KCNQ3: variants seen among roughly 807,000 people sequenced by gnomAD.
KCNQ3 encodes the protein potassium voltage-gated channel subfamily KQT member 3.
In KCNQ3, 30 loss-of-function variants were observed where a neutral mutation model predicts 92.5. The ratio of observed to expected loss-of-function variants is 0.32; its 90% confidence interval spans 0.24 to 0.44. The LOEUF is 0.44. Ranked by LOEUF, KCNQ3 falls within the 20% of genes least tolerant of loss-of-function variation. The pLI is 1.00. For missense variants in KCNQ3, 913 were observed against 1,140.3 expected, an observed-to-expected ratio of 0.80 and a Z score of 2.87; for synonymous variants, 450 against 468.8, an observed-to-expected ratio of 0.96 and a Z score of 0.52.
chr8:132,147,592 A>G (rs1825492346), intron 9 of KCNQ3, among the ~76,000 whole-genome samples: 1 of 152,172 alleles, frequency 6.6e-6, no homozygotes, highest in African/African-American at 2.4e-5. Context: ...TGAATGGATG[A>G]TAGAGAGATG....
At chr8:132,435,891 T>A (rs540789349) in intron 1 of KCNQ3, among the ~76,000 whole-genome samples, 1 of 152,138 alleles carries the variant, frequency 6.6e-6, no homozygotes, top group Admixed American at 6.5e-5. Context: ...CTTGTCCTCA[T>A]CATTTGGCAT....
At chr8:132,136,379 T>C (rs1825093939) in intron 12 of KCNQ3, among the ~76,000 whole-genome samples, 1 of 152,144 alleles carries the variant, frequency 6.6e-6, no homozygotes, top group Admixed American at 6.5e-5. Flanking sequence ...TCCATGGCTA[T>C]TGACATCATA....
intron 1 of KCNQ3, among the ~76,000 whole-genome samples, chr8:132,378,409 C>T (rs1370252554): frequency 6.6e-6 from 1 of 151,892 alleles, no homozygotes; most frequent in African/African-American, 2.4e-5. Flanking sequence ...AAAAGAAAGA[C>T]AATACTAAAA....
At position 132,480,099 on chromosome 8, in the gene KCNQ3, C is replaced by T. The variant is rs773118890; in HGVS notation, c.386+48G>A. 5.2e-5 allele frequency: 82 copies of T among 1,575,448 alleles called. No individual in the cohort carries two copies. The African/African-American group carries it at 1.0e-3, about 20-fold the overall frequency. On this transcript the variant is annotated intron_variant, in intron 1 of 14. Coordinates refer to ENST00000388996, the MANE Select transcript of KCNQ3 (RefSeq NM_004519.4). Reference sequence around the variant, plus strand: ...CTCAGCTCCAGCCCCGACCCCAAGTCCCCAAGCGCGCCGCCGCCGAGGGCG... The same window carrying T: ...CTCAGCTCCAGCCCCGACCCCAAGTTCCCAAGCGCGCCGCCGCCGAGGGCG...
chr8:132,162,003 C>T (rs537051478), intron 9 of KCNQ3, among the ~76,000 whole-genome samples: 2 of 152,336 alleles, frequency 1.3e-5, no homozygotes, highest in South Asian at 2.1e-4. Flanking sequence ...AATGACTTTG[C>T]TCTTCTTCTC....
At chr8:132,183,263 T>C (rs1397584179) in intron 3 of KCNQ3, among the ~76,000 whole-genome samples, 1 of 152,152 alleles carries the variant, frequency 6.6e-6, no homozygotes, top group East Asian at 1.9e-4. Flanking sequence ...AAAAGAAGAC[T>C]CTTCTGGAGT....
intron 1 of KCNQ3, among the ~76,000 whole-genome samples, chr8:132,218,393 G>C (rs948728455): frequency 6.6e-5 from 10 of 152,178 alleles, no homozygotes; most frequent in Admixed American, 2.0e-4. Flanking sequence ...CATTTTGGTT[G>C]AATGAATAAA....
chr8:132,471,328 T>G (rs1822295114), intron 1 of KCNQ3, among the ~76,000 whole-genome samples: 1 of 152,142 alleles, frequency 6.6e-6, no homozygotes, highest in Admixed American at 6.6e-5. Flanking sequence ...TTTAAGAGCC[T>G]GGGCAGATCT....
chr8:132,139,975 C>A, intron 11 of KCNQ3, 101 bp downstream of exon 11: 2 of 805,598 alleles, frequency 2.5e-6, no homozygotes, highest in South Asian at 1.7e-5. Context: ...CTTCTCTTCC[C>A]CCTTCCCAAA....
intron 1 of KCNQ3, among the ~76,000 whole-genome samples, chr8:132,406,438 G>A (rs1235468781): frequency 1.3e-5 from 2 of 152,036 alleles, no homozygotes; most frequent in African/African-American, 4.8e-5. Flanking sequence ...AGTTTCATAT[G>A]GACATGAAGA....
At chr8:132,430,258 G>T (rs1821213920) in intron 1 of KCNQ3, among the ~76,000 whole-genome samples, 2 of 152,176 alleles carry the variant, frequency 1.3e-5, no homozygotes, top group African/African-American at 4.8e-5. Context: ...TCCCATCCAA[G>T]ACCAAGTAAA....
intron 1 of KCNQ3, among the ~76,000 whole-genome samples, chr8:132,191,440 GAGCTTCTGTGCCC>G (rs1247842709): frequency 2.0e-5 from 3 of 151,820 alleles, no homozygotes; most frequent in African/African-American, 7.3e-5. Context: ...TCAGAGACAT[GAGCTTCTGTGCCC>G]AGCCTAGAAG....
At chr8:132,220,686 T>C (rs567985349) in intron 1 of KCNQ3, among the ~76,000 whole-genome samples, 3 of 152,250 alleles carry the variant, frequency 2.0e-5, no homozygotes, top group South Asian at 4.2e-4. Context: ...GAGGCAGAGG[T>C]TGCAGTGAGT....
intron 1 of KCNQ3, among the ~76,000 whole-genome samples, chr8:132,313,908 A>G (rs1230235109): frequency 9.2e-5 from 14 of 152,226 alleles, no homozygotes; most frequent in Admixed American, 6.5e-4. Context: ...TCCCAGCCAA[A>G]TCTCCACAGT....
At chr8:132,156,469 T>C (rs1348519869) in intron 9 of KCNQ3, among the ~76,000 whole-genome samples, 2 of 152,132 alleles carry the variant, frequency 1.3e-5, no homozygotes, top group Non-Finnish European at 2.9e-5. Flanking sequence ...TATTCCCTGG[T>C]TAAAGAGAAG....
chr8:132,258,856 T>C (rs1391295973), intron 1 of KCNQ3, among the ~76,000 whole-genome samples: 14 of 152,128 alleles, frequency 9.2e-5, no homozygotes, highest in Admixed American at 6.5e-4. Context: ...AAGAGAATTA[T>C]AAGAAGATGC....
intron 2 of KCNQ3, among the ~76,000 whole-genome samples, chr8:132,185,176 T>G (rs1330431342): frequency 2.0e-5 from 3 of 152,218 alleles, no homozygotes; most frequent in African/African-American, 7.2e-5. Flanking sequence ...GACGTGCTGT[T>G]GCAAACCCCT....
At chr8:132,456,119 G>A (rs11985130) in intron 1 of KCNQ3, among the ~76,000 whole-genome samples, 15,345 of 152,012 alleles carry the variant, frequency 0.1, 834 homozygotes, top group African/African-American at 0.15. Flanking sequence ...CTTGCCTGAG[G>A]TCACACCACT....
Position 132,126,383 on chromosome 8 carries a change from A to G in KCNQ3, c.*2879T>C, listed in dbSNP as rs1423199988. 1 of 152,112 alleles carries G rather than the reference A, an allele frequency of 6.6e-6. No individual in the cohort carries two copies. Among genetic ancestry groups the G allele is most frequent in the African/African-American group, 2.4e-5 (1 of 41,412 alleles). The allele number at this position is 152,112 out of a possible 1,614,324, so 9.4% of individuals were successfully genotyped here. On this transcript the variant is annotated 3_prime_UTR_variant, in exon 15 of 15. Coordinates refer to ENST00000388996, the MANE Select transcript of KCNQ3 (RefSeq NM_004519.4). ...CCAGACCCTGAATTTCTGCTTGCTCACTGTGAGCCATATTGTTGAGATTGT... is the reference window on the plus strand; with the variant it reads ...CCAGACCCTGAATTTCTGCTTGCTCGCTGTGAGCCATATTGTTGAGATTGT...
Sources: gnomAD v4.1 joint callset for allele counts (sites outside exome capture counted in the v4.1 genomes callset) on GRCh38, gnomAD v4.1.1 for gene constraint, MANE v1.5 for transcripts, NCBI Gene and HGNC (gene_info 2026-07-23, HGNC 2026-07-21) for gene names.